Variants in HSD17B12 observed in about 807,000 individuals in gnomAD.
HSD17B12 encodes very-long-chain 3-oxoacyl-CoA reductase.
A neutral mutation model predicts 39.3 loss-of-function variants in HSD17B12; 32 were observed. The ratio of observed to expected loss-of-function variants is 0.81; its 90% CI spans 0.61 to 1.09. HSD17B12 has a LOEUF of 1.09. HSD17B12 is among the 50% of genes least tolerant of loss of function. The pLI is 0.00. For synonymous variants in HSD17B12, 150 were observed against 146.7 expected, an observed-to-expected ratio of 1.02 and a Z score of -0.16; for missense variants, 342 against 382.9, an observed-to-expected ratio of 0.89 and a Z score of 0.89.
intron 3 of HSD17B12, among the ~76,000 whole-genome samples, chr11:43,788,067 A>C (rs1372261864): frequency 6.6e-6 from 1 of 152,210 alleles, no homozygotes; most frequent in Non-Finnish European, 1.5e-5. Context: ...TTGACTTCTA[A>C]TTAATTTTAG....
chr11:43,606,833 C>T, the HSD17B12 span, among the ~76,000 whole-genome samples: 2 of 152,218 alleles, frequency 1.3e-5, no homozygotes, highest in Admixed American at 6.5e-5. Flanking sequence ...TCATTCTTGT[C>T]TGTGCCCCTT....
intron 4 of HSD17B12, among the ~76,000 whole-genome samples, chr11:43,801,859 G>C (rs959758794): frequency 6.6e-6 from 1 of 152,012 alleles, no homozygotes; most frequent in Non-Finnish European, 1.5e-5. Flanking sequence ...AGCATGAAGT[G>C]GGGGATAGTT....
the HSD17B12 span, among the ~76,000 whole-genome samples, chr11:43,562,972 T>C: frequency 6.6e-6 from 1 of 152,172 alleles, no homozygotes; most frequent in Non-Finnish European, 1.5e-5. Flanking sequence ...AGGGAAGACT[T>C]GAGTCTTCCC....
rs569558176 is a variant in HSD17B12 at position 43,816,459 on chromosome 11, C to T, written c.501+68C>T. 5.9e-6 allele frequency: 8 copies of T among 1,350,278 alleles called. No homozygotes were observed. The Admixed American group carries it at 1.1e-4, about 18-fold the overall frequency. The allele number at this position is 1,350,278 out of a possible 1,614,324, so 83.6% of individuals were successfully genotyped here. A position where few individuals can be genotyped will look rare whatever the true frequency, so the allele number is the denominator to read the frequency against. On this transcript the variant is annotated intron_variant, in intron 6 of 10. Coordinates refer to ENST00000278353, the MANE Select transcript of HSD17B12 (RefSeq NM_016142.3). The stretch of plus-strand genomic sequence containing the variant: ...TTCTATTCAAAAACACTGACATAAT[C>T]AGCTTGTTCACCTGAGTCTACTCTT...
chr11:43,579,663 C>G, the HSD17B12 span: 1 of 152,252 alleles, frequency 6.6e-6, no homozygotes, highest in African/African-American at 2.4e-5. Context: ...CGGAGCCCCT[C>G]TGGCGCGGCG....
the HSD17B12 span, among the ~76,000 whole-genome samples, chr11:43,574,847 A>C: frequency 6.6e-6 from 1 of 152,208 alleles, no homozygotes; most frequent in East Asian, 1.9e-4. Flanking sequence ...CTGGAGACTA[A>C]GCATTTGCAG....
At chr11:43,664,962 T>C in the HSD17B12 span, among the ~76,000 whole-genome samples, 3 of 152,208 alleles carry the variant, frequency 2.0e-5, no homozygotes, top group Non-Finnish European at 2.9e-5. Flanking sequence ...AGCTTATTTA[T>C]GAGGATCCTG....
chr11:43,627,704 C>T, the HSD17B12 span, among the ~76,000 whole-genome samples: 2 of 151,852 alleles, frequency 1.3e-5, no homozygotes, highest in African/African-American at 4.8e-5. Context: ...CATTTTGCCT[C>T]TTATAAAAAA....
chr11:43,652,302 A>G, the HSD17B12 span, among the ~76,000 whole-genome samples: 1 of 152,176 alleles, frequency 6.6e-6, no homozygotes, highest in Admixed American at 6.5e-5. Flanking sequence ...ATGTAAAACA[A>G]TAGGTGTGGA....
chr11:43,630,465 T>G, the HSD17B12 span, among the ~76,000 whole-genome samples: 1 of 152,194 alleles, frequency 6.6e-6, no homozygotes, highest in Admixed American at 6.5e-5. Flanking sequence ...TGTTTGCTAC[T>G]CATGCCTCTG....
At chr11:43,748,568 A>G (rs1950437244) in intron 1 of HSD17B12, among the ~76,000 whole-genome samples, 1 of 152,168 alleles carries the variant, frequency 6.6e-6, no homozygotes, top group Admixed American at 6.6e-5. Flanking sequence ...CAATATTCCC[A>G]TGTAACAAAC....
the HSD17B12 span, among the ~76,000 whole-genome samples, chr11:43,601,065 G>T: frequency 6.6e-6 from 1 of 150,888 alleles, no homozygotes; most frequent in African/African-American, 2.4e-5. Context: ...TGTGTATTCT[G>T]TCCTTTTTTT....
chr11:43,570,524 T>C, the HSD17B12 span: 3 of 152,374 alleles, frequency 2.0e-5, no homozygotes, highest in South Asian at 2.1e-4. Context: ...GGGTGGTTTG[T>C]AGTGCTTTGA....
In HSD17B12 at chr11:43,854,702, G is replaced by A. The variant is rs770727176; in HGVS notation, c.685-13G>A. ...CAATGGCATGTTTTCTGGGGTGGGT[G>A]TTCCCTTTCTAGAGTGTCCTGCCAT... is the stretch of plus-strand genomic sequence containing the variant. On this transcript the variant is annotated splice_polypyrimidine_tract_variant and intron_variant, in intron 9 of 10. Coordinates refer to ENST00000278353, the MANE Select transcript of HSD17B12 (RefSeq NM_016142.3). 4 of 1,612,516 alleles carry A rather than the reference G, an allele frequency of 2.5e-6. No individual in the cohort carries two copies. The highest frequency in any genetic ancestry group is 1.7e-5 in the Admixed American group (1 of 59,986).
At chr11:43,557,363 A>G in the HSD17B12 span, among the ~76,000 whole-genome samples, 1 of 152,140 alleles carries the variant, frequency 6.6e-6, no homozygotes, top group African/African-American at 2.4e-5. Flanking sequence ...GCACGTGAAA[A>G]TTTAGTTCCA....
At chr11:43,635,496 A>C in the HSD17B12 span, among the ~76,000 whole-genome samples, 1 of 152,190 alleles carries the variant, frequency 6.6e-6, no homozygotes, top group African/African-American at 2.4e-5. Context: ...AAACAAAATA[A>C]TTTTTATTTA....
intron 3 of HSD17B12, among the ~76,000 whole-genome samples, chr11:43,758,042 C>T (rs1040615081): frequency 1.3e-5 from 2 of 152,098 alleles, no homozygotes; most frequent in African/African-American, 4.8e-5. Context: ...GAATTTATGG[C>T]CCCCCAGTCT....
At chr11:43,614,760 A>T in the HSD17B12 span, among the ~76,000 whole-genome samples, 1 of 151,800 alleles carries the variant, frequency 6.6e-6, no homozygotes, top group East Asian at 1.9e-4. Context: ...CATTCAATAG[A>T]TTTTTTTTAT....
At chr11:43,724,586 G>A (rs1438287065) in intron 1 of HSD17B12, among the ~76,000 whole-genome samples, 1 of 152,126 alleles carries the variant, frequency 6.6e-6, no homozygotes, top group African/African-American at 2.4e-5. Context: ...ACTGTTTCCT[G>A]GTTCACAGAT....
Sources: allele counts gnomAD v4.1 joint callset (sites outside exome capture counted in the v4.1 genomes callset), GRCh38; gene constraint gnomAD v4.1.1; transcripts MANE v1.5; gene names NCBI Gene and HGNC (gene_info 2026-07-23, HGNC 2026-07-21).